Variants in ACADS observed in about 807,000 individuals in gnomAD.
ACADS encodes the protein acyl-CoA dehydrogenase short chain.
ACADS carries 28 observed loss-of-function variants against 46.8 expected under a neutral mutation model. That is an observed-to-expected ratio of 0.60 (90% CI 0.44 to 0.82). The LOEUF (loss-of-function observed/expected upper bound fraction) is 0.82, where lower values mean the gene tolerates loss of function less well. ACADS is among the 40% of genes least tolerant of loss of function. ACADS has a pLI of 0.00. For missense variants in ACADS, 528 were observed against 578.0 expected (o/e 0.91, Z 0.89); for synonymous variants, 236 against 237.7 (o/e 0.99, Z 0.07).
At chr12:120,731,412 G>A (rs1883243292) in intron 2 of ACADS, among the ~76,000 whole-genome samples, 1 of 151,662 alleles carries the variant, frequency 6.6e-6, no homozygotes, top group African/African-American at 2.4e-5. Context: ...TCTAGCACTT[G>A]GTAGAGTATT....
intron 1 of ACADS, among the ~76,000 whole-genome samples, chr12:120,726,211 G>A (rs1212093081): frequency 1.3e-5 from 2 of 151,514 alleles, no homozygotes; most frequent in African/African-American, 4.9e-5. Context: ...CCCCACTAGA[G>A]GTTCAGGGTG....
intron 6 of ACADS, 27 bp downstream of exon 6, chr12:120,738,477 T>C: frequency 6.2e-7 from 1 of 1,606,846 alleles, no homozygotes; most frequent in Non-Finnish European, 8.5e-7. Flanking sequence ...GGGTGGCACC[T>C]TGAGGCCAGG....
rs377515245 is a variant in ACADS, at chr12:120,738,491, G to A, written c.795+41G>A. The A allele has an allele frequency of 4.2e-5, 68 of 1,605,758 alleles. No individual in the cohort carries two copies. The African/African-American group carries it at 6.1e-4, about 14-fold the overall frequency. ...GGGGTGGCACCTTGAGGCCAGGCCCGCGCCCCGGCTGGCGGGCCACTGACC... is the reference window on the plus strand; with the variant it reads ...GGGGTGGCACCTTGAGGCCAGGCCCACGCCCCGGCTGGCGGGCCACTGACC... On this transcript the variant is annotated intron_variant, in intron 6 of 9. Transcript: ENST00000242592.
Position 120,727,098 on chromosome 12 carries a change from T to C in ACADS, c.119T>C (p.Met40Thr). The C allele has an allele frequency of 6.2e-7, 1 of 1,614,194 alleles. No homozygotes were observed. The highest frequency in any genetic ancestry group is 8.5e-7 in the Non-Finnish European group (1 of 1,180,026). The part of the protein sequence containing the change: ...QSVELPETHQ[M>T]LLQTCRDFAE... ...GTGGAACTGCCCGAGACACACCAGA[T>C]GTTGCTCCAGACATGCCGGGACTTT... Residue 40 changes from methionine to threonine, a missense_variant, in exon 2 of 10, where the codon ATG becomes ACG. Coordinates refer to ENST00000242592, the MANE Select transcript of ACADS (RefSeq NM_000017.4).
chr12:120,728,510 T>C lies in ACADS; in HGVS notation c.210+1321T>C, dbSNP rs1883157115. 6.6e-6 allele frequency among the ~76,000 whole-genome samples: 1 copy of C among 151,688 alleles called. No homozygotes were observed. Among genetic ancestry groups the C allele is most frequent in the East Asian group, 1.9e-4 (1 of 5,136 alleles). On this transcript the variant is annotated intron_variant, in intron 2 of 9. Transcript: ENST00000242592. This position sits in a 1 kb window ranked among gnomAD's most constrained non-coding sequence, Gnocchi z 4.0. ...AATTTTAATTTTAATTTATTTTTTA[T>C]TTTTAAAAATTTTTTGAGACAGTCT...
At chr12:120,730,014 C>T (rs950637421) in intron 2 of ACADS, among the ~76,000 whole-genome samples, 7 of 152,100 alleles carry the variant, frequency 4.6e-5, no homozygotes, top group Admixed American at 3.9e-4. Context: ...GATGGAGTCT[C>T]GCTCTGTCCC....
chr12:120,733,622 A>G (rs536620594), intron 2 of ACADS, among the ~76,000 whole-genome samples: 7 of 141,662 alleles, frequency 4.9e-5, no homozygotes, highest in Admixed American at 1.4e-4. Flanking sequence ...GCCTATTCTG[A>G]GCAGGACCCC....
At chr12:120,737,495 T>G in intron 4 of ACADS, 28 bp downstream of exon 4, 2 of 1,581,104 alleles carry the variant, frequency 1.3e-6, no homozygotes, top group African/African-American at 1.3e-5. Flanking sequence ...TCACCTGTCC[T>G]TAGGGTGACA....
chr12:120,739,320 G>T lies in ACADS; in HGVS notation c.1111G>T (p.Gly371Cys). Residue 371 changes from glycine to cysteine, a missense_variant, in exon 10 of 10, where the codon GGC (glycine) becomes TGC (cysteine). By Grantham distance (159) the Gly-to-Cys change is radical (BLOSUM62 -3). Transcript: ENST00000242592. ...HQAIQILGGM[G>C]YVTEMPAERH... is the part of the protein sequence containing the mutation. Reference sequence around the variant, plus strand: ...GGCCATCCAGATCCTGGGCGGCATGGGCTACGTGACAGAGATGCCGGCAGA... The same window carrying T: ...GGCCATCCAGATCCTGGGCGGCATGTGCTACGTGACAGAGATGCCGGCAGA... 1 of 1,613,040 alleles carries T rather than the reference G, an allele frequency of 6.2e-7. No individual in the cohort carries two copies. Among genetic ancestry groups the T allele is most frequent in the Non-Finnish European group, 8.5e-7 (1 of 1,179,918 alleles).
At chr12:120,727,002 A>G in intron 1 of ACADS, 24 bp from the exon 2 acceptor site, 1 of 1,613,258 alleles carries the variant, frequency 6.2e-7, no homozygotes, top group African/African-American at 1.3e-5. Context: ...TCCTCCTTCC[A>G]CTCACTTCTG....
rs1883555842 is a variant in ACADS, at chr12:120,738,908, T to C, written c.1022T>C (p.Phe341Ser). 1 of 1,613,566 alleles carries C rather than the reference T, an allele frequency of 6.2e-7. No homozygotes were observed. Among genetic ancestry groups the C allele is most frequent in the Non-Finnish European group, 8.5e-7 (1 of 1,180,002 alleles). Residue 341 changes from phenylalanine (F) to serine (S), a missense_variant, in exon 8 of 10, where the codon TTC becomes TCC. Phe to Ser is a radical substitution (Grantham distance 155). Coordinates refer to ENST00000242592, the MANE Select transcript of ACADS (RefSeq NM_000017.4). The stretch of plus-strand genomic sequence containing the variant: ...ATGCTGAAGGATAACAAGAAGCCTT[T>C]CATCAAGGTGCCCACAGGGGTCCCC... ...AAMLKDNKKP[F>S]IKEAAMAKLA...
At chr12:120,730,037 C>G (rs539418415) in intron 2 of ACADS, among the ~76,000 whole-genome samples, 6 of 152,094 alleles carry the variant, frequency 3.9e-5, no homozygotes, top group Non-Finnish European at 5.9e-5. Context: ...GGCTGGAGTA[C>G]AGTGGTGCGA....
chr12:120,733,451 G>A (rs1883329478), intron 2 of ACADS, among the ~76,000 whole-genome samples: 1 of 152,160 alleles, frequency 6.6e-6, no homozygotes, highest in Non-Finnish European at 1.5e-5. Context: ...GGCCATGTGT[G>A]TGCTGCCGCA....
chr12:120,733,357 A>G (rs552050570), intron 2 of ACADS, among the ~76,000 whole-genome samples: 1 of 152,026 alleles, frequency 6.6e-6, no homozygotes, highest in East Asian at 1.9e-4. Context: ...TGCCTCAGCT[A>G]CCAAAGTGCT....
chr12:120,732,176 C>T (rs1273920009), intron 2 of ACADS, among the ~76,000 whole-genome samples: 24 of 152,070 alleles, frequency 1.6e-4, no homozygotes, highest in African/African-American at 5.1e-4. Flanking sequence ...GGGTGGTGGC[C>T]GGGCAGAGGG....
chr12:120,726,068 G>C (rs1312982557), intron 1 of ACADS, 137 bp downstream of exon 1: 1 of 910,460 alleles, frequency 1.1e-6, no homozygotes, highest in Non-Finnish European at 1.6e-6. Flanking sequence ...CTTTGCCCCA[G>C]TTCTGCTGCT....
intron 2 of ACADS, among the ~76,000 whole-genome samples, chr12:120,736,500 G>A (rs1395171893): frequency 5.9e-5 from 9 of 152,214 alleles, no homozygotes; most frequent in African/African-American, 2.4e-5. Flanking sequence ...TTGACTCAGC[G>A]AGGCTGGGGA....
At chr12:120,727,281 G>T in intron 2 of ACADS, 92 bp downstream of exon 2, 1 of 1,545,148 alleles carries the variant, frequency 6.5e-7, no homozygotes. Flanking sequence ...CTCGGACTCT[G>T]GTAGAGGAAC....
Position 120,727,167 on chromosome 12 carries a change from A to G in ACADS, c.188A>G (p.Glu63Gly). Residue 63 changes from glutamate to glycine, a missense_variant, in exon 2 of 10, where the codon GAA becomes GGA. Transcript: ENST00000242592. ...LFPIAAQVDK[E>G]HLFPAAQVKK... ...CCCATTGCAGCCCAGGTGGATAAGG[A>G]ACATCTCTTCCCAGCGGCTCAGGTG... The G allele has an allele frequency of 6.2e-7, 1 of 1,614,136 alleles. No homozygotes were observed. The highest frequency in any genetic ancestry group is 1.1e-5 in the South Asian group (1 of 91,070).
Sources: gnomAD v4.1 joint callset for allele counts (sites outside exome capture counted in the v4.1 genomes callset) on GRCh38, gnomAD v4.1.1 for gene constraint, Gnocchi (gnomAD v3.1) non-coding constraint, MANE v1.5 for transcripts, NCBI Gene and HGNC (gene_info 2026-07-23, HGNC 2026-07-21) for gene names.